Variants in NRG3 observed in about 807,000 individuals in gnomAD.
The protein encoded by NRG3 is pro-neuregulin-3, membrane-bound isoform.
A neutral mutation model predicts 66.9 loss-of-function variants in NRG3; 31 were observed. That is an observed-to-expected ratio of 0.46 (90% CI 0.35 to 0.63). The LOEUF (loss-of-function observed/expected upper bound fraction) is 0.63, where lower values mean the gene tolerates loss of function less well. Among genes scored for constraint, NRG3 ranks in the 20% least tolerant of loss-of-function variants. The pLI is 0.00. For synonymous variants in NRG3, 393 were observed against 359.4 expected, an observed-to-expected ratio of 1.09 and a Z score of -1.06; for missense variants, 910 against 878.9, an observed-to-expected ratio of 1.04 and a Z score of -0.45.
chr10:82,126,157 T>C (rs1427121065), intron 1 of NRG3, among the ~76,000 whole-genome samples: 1 of 152,070 alleles, frequency 6.6e-6, no homozygotes, highest in Non-Finnish European at 1.5e-5. Context: ...AATTTCACCA[T>C]TAATGAAGAC....
At chr10:82,843,230 G>A (rs1330930287) in intron 3 of NRG3, 8 of 454,446 alleles carry the variant, frequency 1.8e-5, no homozygotes, top group South Asian at 7.8e-5. Context: ...ACAGTATTAC[G>A]AAGTGGGACA....
At chr10:82,231,430 A>G (rs1424742460) in intron 1 of NRG3, among the ~76,000 whole-genome samples, 1 of 152,178 alleles carries the variant, frequency 6.6e-6, no homozygotes, top group Non-Finnish European at 1.5e-5. Context: ...AGACCTTCAG[A>G]TTATTAATAG....
chr10:82,986,433 G>A lies in NRG3; in HGVS notation c.*828G>A. ...GCTCACGCGGGCACATATGCTGTAA[G>A]CACATGTGTTCATTGTGCGTATGTG... On this transcript the variant is annotated 3_prime_UTR_variant, in exon 9 of 9. Transcript: ENST00000372141. 6.6e-6 allele frequency: 1 copy of A among 152,168 alleles called. No individual in the cohort carries two copies. Among genetic ancestry groups the A allele is most frequent in the East Asian group, 1.9e-4 (1 of 5,184 alleles). 9.4% of individuals were successfully genotyped at this position (152,168 alleles called of 1,614,324 possible).
intron 2 of NRG3, among the ~76,000 whole-genome samples, chr10:82,671,924 T>C (rs1170482285): frequency 6.6e-6 from 1 of 152,200 alleles, no homozygotes; most frequent in African/African-American, 2.4e-5. Flanking sequence ...GTTCTTTGGC[T>C]TCCCCTACTC....
At chr10:82,430,279 A>G (rs546410595) in intron 2 of NRG3, among the ~76,000 whole-genome samples, 1 of 150,970 alleles carries the variant, frequency 6.6e-6, no homozygotes, top group East Asian at 2.0e-4. Flanking sequence ...TTTTTTTGAG[A>G]TGGAGTCTCG....
intron 2 of NRG3, among the ~76,000 whole-genome samples, chr10:82,359,948 T>A (rs2084021823): frequency 6.6e-6 from 1 of 152,180 alleles, no homozygotes; most frequent in Non-Finnish European, 1.5e-5. Flanking sequence ...ACAGGGAAGA[T>A]GTATTGCCAC....
rs116352639 is a variant in NRG3 at position 81,984,896 on chromosome 10, A to G, written c.823+108733A>G. ...ATAAAATATGTGCTAATAACAGGAGAAAAGAAACAGTGAAAAAATACAAAA... is the reference window on the plus strand; with the variant it reads ...ATAAAATATGTGCTAATAACAGGAGGAAAGAAACAGTGAAAAAATACAAAA... On this transcript the variant is annotated intron_variant, in intron 1 of 8. Transcript: ENST00000372141. 6.2e-3 allele frequency among the ~76,000 whole-genome samples: 945 copies of G among 152,328 alleles called. 5 individuals carry two copies. The highest frequency in any genetic ancestry group is 0.021 in the African/African-American group (884 of 41,570).
At chr10:82,693,336 C>T (rs551650169) in intron 2 of NRG3, among the ~76,000 whole-genome samples, 52 of 152,120 alleles carry the variant, frequency 3.4e-4, no homozygotes, top group Admixed American at 1.2e-3. Context: ...AATGAATGGA[C>T]GATGATGATA....
intron 1 of NRG3, among the ~76,000 whole-genome samples, chr10:81,890,389 A>G (rs1842923386): frequency 6.6e-6 from 1 of 152,200 alleles, no homozygotes; most frequent in South Asian, 2.1e-4. Flanking sequence ...TTGTGATGCT[A>G]GGAAACAACA....
At chr10:82,125,943 T>G (rs1362941653) in intron 1 of NRG3, among the ~76,000 whole-genome samples, 10 of 152,102 alleles carry the variant, frequency 6.6e-5, no homozygotes, top group Non-Finnish European at 1.5e-4. Flanking sequence ...AGCAAGATTA[T>G]TTTTTCAAAA....
intron 2 of NRG3, among the ~76,000 whole-genome samples, chr10:82,448,304 A>G (rs1478867727): frequency 1.3e-5 from 2 of 152,222 alleles, no homozygotes; most frequent in African/African-American, 4.8e-5. Context: ...ATCTAGAAAA[A>G]TTGGGATTTA....
intron 2 of NRG3, among the ~76,000 whole-genome samples, chr10:82,361,910 A>G (rs1331094917): frequency 6.6e-6 from 1 of 151,922 alleles, no homozygotes; most frequent in African/African-American, 2.4e-5. Flanking sequence ...AAGAAATTAA[A>G]ATTATATTTC....
intron 1 of NRG3, among the ~76,000 whole-genome samples, chr10:82,256,591 A>G (rs2077739847): frequency 6.6e-6 from 1 of 151,958 alleles, no homozygotes; most frequent in African/African-American, 2.4e-5. Context: ...CTGCTGCTCT[A>G]CCTTCTCTTT....
intron 1 of NRG3, among the ~76,000 whole-genome samples, chr10:82,142,766 CTT>C (rs3036609): frequency 5.1e-4 from 56 of 110,626 alleles, no homozygotes; most frequent in Non-Finnish European, 5.2e-4. Context: ...CTCTCTCGCT[CTT>C]TTTTTTTTTT....
rs1156452676 is a variant in NRG3 at position 82,973,702 on chromosome 10, A to T, written c.1285-86A>T. The T allele has an allele frequency of 4.0e-5, 59 of 1,468,920 alleles. 2 individuals are homozygous for T. In the East Asian group the frequency reaches 1.3e-3, roughly 33 times the overall value. The allele number at this position is 1,468,920 out of a possible 1,614,324, so 91.0% of individuals were successfully genotyped here. ...GGTGACCAGGAGGAACTGGCATTCCAGTAACTTCTCAATGCTTAGCTCTGG... is the reference window on the plus strand; with the variant it reads ...GGTGACCAGGAGGAACTGGCATTCCTGTAACTTCTCAATGCTTAGCTCTGG... On this transcript the variant is annotated intron_variant, in intron 6 of 8. Transcript: ENST00000372141.
chr10:82,851,040 C>T (rs971882154), intron 3 of NRG3, among the ~76,000 whole-genome samples: 1 of 151,948 alleles, frequency 6.6e-6, no homozygotes, highest in Non-Finnish European at 1.5e-5. Context: ...AAAATAGAAC[C>T]GACTTTATAA....
At chr10:82,091,149 A>T (rs1352132434) in intron 1 of NRG3, among the ~76,000 whole-genome samples, 3 of 152,008 alleles carry the variant, frequency 2.0e-5, no homozygotes, top group African/African-American at 7.3e-5. Context: ...TTGTGATAAG[A>T]TATACATAAT....
chr10:81,925,289 C>T (rs1846658387), intron 1 of NRG3, among the ~76,000 whole-genome samples: 1 of 152,182 alleles, frequency 6.6e-6, no homozygotes, highest in African/African-American at 2.4e-5. Context: ...TTGGTCTAGT[C>T]TGACTTTCAT....
At chr10:81,999,475 A>G (rs1359796022) in intron 1 of NRG3, among the ~76,000 whole-genome samples, 2 of 152,350 alleles carry the variant, frequency 1.3e-5, no homozygotes, top group East Asian at 1.9e-4. Context: ...ACATTTTATT[A>G]TATTAATTAC....
Sources: allele counts gnomAD v4.1 joint callset (sites outside exome capture counted in the v4.1 genomes callset), GRCh38; gene constraint gnomAD v4.1.1; transcripts MANE v1.5; gene names NCBI Gene and HGNC (gene_info 2026-07-23, HGNC 2026-07-21).